GRK5: variants seen among roughly 807,000 people sequenced by gnomAD.
The protein encoded by GRK5 is g protein-coupled receptor kinase GRK5.
A neutral mutation model predicts 78.4 loss-of-function variants in GRK5; 40 were observed. The ratio of observed to expected loss-of-function variants is 0.51; its 90% CI spans 0.40 to 0.66. The LOEUF (loss-of-function observed/expected upper bound fraction) is 0.66, where lower values mean the gene tolerates loss of function less well. GRK5 is among the 30% of genes least tolerant of loss of function. The pLI is 0.00. For synonymous variants in GRK5, 289 were observed against 296.8 expected (o/e 0.97, Z 0.27); for missense variants, 598 against 759.9 (o/e 0.79, Z 2.50).
At chr10:119,243,023 A>C (rs1849051265) in intron 1 of GRK5, among the ~76,000 whole-genome samples, 1 of 152,092 alleles carries the variant, frequency 6.6e-6, no homozygotes, top group Non-Finnish European at 1.5e-5. Flanking sequence ...CGGATCACCT[A>C]AGGTCAGGAG....
At chr10:119,437,305 C>G (rs1564934981) in intron 9 of GRK5, among the ~76,000 whole-genome samples, 8 of 152,126 alleles carry the variant, frequency 5.3e-5, no homozygotes, top group Admixed American at 4.6e-4. Context: ...TCAGCTTGCT[C>G]TGGTCTTCAC....
intron 4 of GRK5, among the ~76,000 whole-genome samples, chr10:119,401,093 G>C (rs1173733423): frequency 6.6e-6 from 1 of 152,172 alleles, no homozygotes; most frequent in Admixed American, 6.5e-5. Context: ...ATGAAACACT[G>C]AGGGGAGCTC....
chr10:119,377,886 G>T (rs1440684053), intron 2 of GRK5: 2 of 154,384 alleles, frequency 1.3e-5, no homozygotes, highest in Non-Finnish European at 2.9e-5. Flanking sequence ...AATTTACTTT[G>T]GTTCTGTGTT....
intron 1 of GRK5, among the ~76,000 whole-genome samples, chr10:119,315,498 A>G (rs1850470351): frequency 6.6e-6 from 1 of 152,168 alleles, no homozygotes; most frequent in Non-Finnish European, 1.5e-5. Flanking sequence ...AACAGGAGGC[A>G]GTAGACACAG....
intron 4 of GRK5, among the ~76,000 whole-genome samples, chr10:119,419,581 C>T (rs1010768104): frequency 1.3e-5 from 2 of 152,350 alleles, no homozygotes; most frequent in South Asian, 2.1e-4. Context: ...GACATTATTA[C>T]CCACTCATTA....
At chr10:119,328,470 C>T (rs1589747589) in intron 2 of GRK5, among the ~76,000 whole-genome samples, 1 of 152,182 alleles carries the variant, frequency 6.6e-6, no homozygotes, top group Non-Finnish European at 1.5e-5. Context: ...TTGCAACTCA[C>T]CCATGTGTGC....
chr10:119,453,403 G>T, intron 15 of GRK5, 127 bp downstream of exon 15: 1 of 1,084,518 alleles, frequency 9.2e-7, no homozygotes. Context: ...GTAGCAGCTT[G>T]GAAGGGCAAC....
chr10:119,278,210 G>T (rs896524386), intron 1 of GRK5, among the ~76,000 whole-genome samples: 1 of 152,034 alleles, frequency 6.6e-6, no homozygotes, highest in African/African-American at 2.4e-5. Context: ...TTCCCGAGAC[G>T]GTCTAATGGC....
intron 4 of GRK5, among the ~76,000 whole-genome samples, chr10:119,402,682 G>A (rs919363895): frequency 6.6e-6 from 1 of 151,972 alleles, no homozygotes; most frequent in South Asian, 2.1e-4. Context: ...GCGAAACCCT[G>A]TCTCCACTAA....
intron 1 of GRK5, among the ~76,000 whole-genome samples, chr10:119,231,098 G>A (rs994394912): frequency 6.6e-6 from 1 of 152,118 alleles, no homozygotes; most frequent in African/African-American, 2.4e-5. Flanking sequence ...TGTAACTTTT[G>A]TGCAGCAAAA....
chr10:119,240,263 G>T (rs1314436713), intron 1 of GRK5, among the ~76,000 whole-genome samples: 1 of 138,504 alleles, frequency 7.2e-6, no homozygotes, highest in Admixed American at 8.0e-5. Context: ...TGCAGTGGCA[G>T]GATCTCCGCT....
At chr10:119,348,693 G>A (rs1264439944) in intron 2 of GRK5, among the ~76,000 whole-genome samples, 2 of 152,232 alleles carry the variant, frequency 1.3e-5, no homozygotes, top group Admixed American at 1.3e-4. Context: ...AGGGCTTGCT[G>A]GGCGGGCACA....
chr10:119,397,223 A>T (rs1468338196), intron 4 of GRK5, among the ~76,000 whole-genome samples: 1 of 152,220 alleles, frequency 6.6e-6, no homozygotes, highest in East Asian at 1.9e-4. Flanking sequence ...GAGAATTCTG[A>T]AACATATTCT....
chr10:119,358,528 T>A (rs1046565214), intron 2 of GRK5, among the ~76,000 whole-genome samples: 1 of 152,226 alleles, frequency 6.6e-6, no homozygotes, highest in African/African-American at 2.4e-5. Context: ...ATGGTGCATT[T>A]CCATCTCCCA....
At chr10:119,209,714 A>G (rs1305407643) in intron 1 of GRK5, among the ~76,000 whole-genome samples, 1 of 149,768 alleles carries the variant, frequency 6.7e-6, no homozygotes, top group Non-Finnish European at 1.5e-5. Flanking sequence ...GAAAGTTTTC[A>G]CTCTCGCTCC....
At chr10:119,304,701 C>T (rs1246903508) in intron 1 of GRK5, among the ~76,000 whole-genome samples, 1 of 152,204 alleles carries the variant, frequency 6.6e-6, no homozygotes, top group Non-Finnish European at 1.5e-5. Flanking sequence ...CAGTGCACCA[C>T]GCTGCCTGCT....
chr10:119,314,585 C>G (rs530158688), intron 1 of GRK5, among the ~76,000 whole-genome samples: 2 of 152,202 alleles, frequency 1.3e-5, no homozygotes, highest in Non-Finnish European at 2.9e-5. Context: ...AGGACCATGG[C>G]GCCTAAAAGC....
Position 119,267,984 on chromosome 10 carries a change from C to T in GRK5, c.53-58532C>T, listed in dbSNP as rs1275490817. On this transcript the variant is annotated intron_variant, in intron 1 of 15. Coordinates refer to ENST00000392870, the MANE Select transcript of GRK5 (RefSeq NM_005308.3). This position sits in a 1 kb window ranked among gnomAD's most constrained non-coding sequence, Gnocchi z 4.1. ...AGAGGAAGAGGAGGACGGAGTCTCC[C>T]TTGTTTGTGCTGATTCCCAGTGAGC... 1.3e-5 allele frequency among the ~76,000 whole-genome samples: 2 copies of T among 152,090 alleles called. No individual in the cohort carries two copies. Among genetic ancestry groups the T allele is most frequent in the Admixed American group, 1.3e-4 (2 of 15,270 alleles).
chr10:119,264,182 T>G lies in GRK5; in HGVS notation c.52+56213T>G, dbSNP rs1307412131. On this transcript the variant is annotated intron_variant, in intron 1 of 15. Transcript: ENST00000392870. This position sits in a 1 kb window ranked among gnomAD's most constrained non-coding sequence, Gnocchi z 4.1. The stretch of plus-strand genomic sequence containing the variant: ...GCTCTCCATTGACATTTGCAACTTG[T>G]TTCTGTGTAATTTTGCAGCCTGGTT... Among the ~76,000 whole-genome samples, 1 of 152,212 alleles carries G rather than the reference T, an allele frequency of 6.6e-6. No individual in the cohort carries two copies. The highest frequency in any genetic ancestry group is 1.5e-5 in the Non-Finnish European group (1 of 68,042).
Sources: gnomAD v4.1 joint callset for allele counts (sites outside exome capture counted in the v4.1 genomes callset) on GRCh38, gnomAD v4.1.1 for gene constraint, Gnocchi (gnomAD v3.1) non-coding constraint, MANE v1.5 for transcripts, NCBI Gene and HGNC (gene_info 2026-07-23, HGNC 2026-07-21) for gene names.